The following PTPRT variants were observed in gnomAD, a reference collection of about 807,000 sequenced individuals.
PTPRT encodes the protein protein tyrosine phosphatase receptor type T.
In PTPRT, 56 loss-of-function variants were observed where a neutral mutation model predicts 176.8. The ratio of observed to expected loss-of-function variants is 0.32; its 90% CI spans 0.26 to 0.40. The LOEUF (loss-of-function observed/expected upper bound fraction) is 0.40, where lower values mean the gene tolerates loss of function less well. PTPRT is among the 10% of genes least tolerant of loss of function. The pLI, the probability that PTPRT is intolerant of heterozygous loss-of-function variation, is 1.00. For missense variants in PTPRT, 1,540 were observed against 1,908.2 expected (o/e 0.81, Z 3.60); for synonymous variants, 783 against 739.0 (o/e 1.06, Z -0.96).
chr20:42,360,490 C>A (rs2058418109), intron 9 of PTPRT, among the ~76,000 whole-genome samples: 1 of 152,238 alleles, frequency 6.6e-6, no homozygotes, highest in African/African-American at 2.4e-5. Flanking sequence ...GAAGCCTCAA[C>A]CTCCTTTCAG....
At chr20:42,053,031 G>A in the PTPRT span, among the ~76,000 whole-genome samples, 62,796 of 152,018 alleles carry the variant, frequency 0.41, 15,162 homozygotes, top group African/African-American at 0.68. Flanking sequence ...CTTAATAGAT[G>A]TGGCTGTGTT....
chr20:42,438,017 G>C (rs1173289866), intron 9 of PTPRT, among the ~76,000 whole-genome samples: 1 of 152,174 alleles, frequency 6.6e-6, no homozygotes, highest in Non-Finnish European at 1.5e-5. Context: ...CTTAAGTGCT[G>C]CCTCTGGGCA....
At chr20:42,722,577 TGA>T (rs951868048) in intron 6 of PTPRT, among the ~76,000 whole-genome samples, 3 of 152,176 alleles carry the variant, frequency 2.0e-5, no homozygotes, top group Non-Finnish European at 4.4e-5. Context: ...CTGTCCTTTC[TGA>T]GAGTCTCAGA....
intron 9 of PTPRT, among the ~76,000 whole-genome samples, chr20:42,396,020 T>C (rs2058845087): frequency 6.6e-6 from 1 of 152,176 alleles, no homozygotes; most frequent in Non-Finnish European, 1.5e-5. Context: ...CTCCGTCCTC[T>C]ACTTCTCCCC....
chr20:42,976,004 C>T (rs1191986976), intron 1 of PTPRT, among the ~76,000 whole-genome samples: 2 of 148,874 alleles, frequency 1.3e-5, no homozygotes, highest in African/African-American at 2.6e-5. Flanking sequence ...TCCTCCTTTA[C>T]ACATGAAATC....
At chr20:42,122,516 A>C (rs747675898) in intron 19 of PTPRT, among the ~76,000 whole-genome samples, 2 of 152,190 alleles carry the variant, frequency 1.3e-5, no homozygotes, top group African/African-American at 4.8e-5. Flanking sequence ...AATTAAACCC[A>C]AGGGTTGTCT....
chr20:43,010,771 C>T (rs1985076889), intron 1 of PTPRT, among the ~76,000 whole-genome samples: 1 of 151,576 alleles, frequency 6.6e-6, no homozygotes, highest in Non-Finnish European at 1.5e-5. Context: ...AAGATTAATG[C>T]CCCCACTAAC....
chr20:42,227,603 T>C (rs1315368827), intron 15 of PTPRT, among the ~76,000 whole-genome samples: 1 of 34,348 alleles, frequency 2.9e-5, no homozygotes. Context: ...CCTCATTGTT[T>C]TTTTTTTTTT....
At chr20:42,872,923 G>A (rs2078869985) in intron 2 of PTPRT, among the ~76,000 whole-genome samples, 2 of 152,280 alleles carry the variant, frequency 1.3e-5, no homozygotes, top group South Asian at 2.1e-4. Context: ...TAGGCAGAAG[G>A]CCATGCTAAC....
intron 11 of PTPRT, among the ~76,000 whole-genome samples, chr20:42,319,680 T>C (rs1395351546): frequency 6.6e-6 from 1 of 152,266 alleles, no homozygotes; most frequent in Non-Finnish European, 1.5e-5. Flanking sequence ...TAACTTTCCT[T>C]TCCTGACACT....
At chr20:42,887,494 TAAATTGACTAAGAAAATAAACA>T (rs2079122010) in intron 1 of PTPRT, among the ~76,000 whole-genome samples, 1 of 152,218 alleles carries the variant, frequency 6.6e-6, no homozygotes, top group Non-Finnish European at 1.5e-5. Flanking sequence ...TATGGCAGCC[TAAATTGACTAAGAAAATAAACA>T]AACATGGCTT....
chr20:42,254,236 CA>C (rs1199452830), intron 13 of PTPRT, among the ~76,000 whole-genome samples: 1 of 152,176 alleles, frequency 6.6e-6, no homozygotes, highest in Non-Finnish European at 1.5e-5. Context: ...GCTGTGAACC[CA>C]ACCTCTCAAC....
At chr20:42,376,950 T>C (rs541258479) in intron 9 of PTPRT, among the ~76,000 whole-genome samples, 1 of 152,302 alleles carries the variant, frequency 6.6e-6, no homozygotes, top group Admixed American at 6.5e-5. Flanking sequence ...ACTGACGTTA[T>C]CATATTTCCC....
At chr20:42,979,093 G>T (rs569266003) in intron 1 of PTPRT, among the ~76,000 whole-genome samples, 7 of 152,080 alleles carry the variant, frequency 4.6e-5, no homozygotes, top group Non-Finnish European at 1.0e-4. Context: ...TGTTGTCAAC[G>T]TAAATCGAGA....
At chr20:42,193,638 T>C (rs1991085251) in intron 16 of PTPRT, among the ~76,000 whole-genome samples, 1 of 152,246 alleles carries the variant, frequency 6.6e-6, no homozygotes. Flanking sequence ...ATAGGGTTCC[T>C]TGGGAGCTTC....
intron 16 of PTPRT, among the ~76,000 whole-genome samples, chr20:42,184,598 T>TTCTTCTTCTTCTTCTTCTTCTTCTTCC (rs1355996417): frequency 1.4e-5 from 2 of 139,690 alleles, no homozygotes; most frequent in African/African-American, 2.7e-5. Flanking sequence ...CTTCTTCCTC[T>TTCTTCTTCTTCTTCTTCTTCTTCTTCC]TCTTCTTCTT....
chr20:43,030,296 A>G (rs529148865), intron 1 of PTPRT, among the ~76,000 whole-genome samples: 83 of 152,336 alleles, frequency 5.4e-4, no homozygotes, highest in African/African-American at 1.9e-3. Context: ...CAGCAGCTTG[A>G]AGGAAGCCAT....
In PTPRT at chr20:42,470,367, C is replaced by G. The variant is rs933619396; in HGVS notation, c.1450+1899G>C. Among the ~76,000 whole-genome samples the G allele has an allele frequency of 2.6e-5, 4 of 152,164 alleles. No homozygotes were observed. The South Asian group carries it at 6.2e-4, about 24-fold the overall frequency. ...AGTTCCCTGAAGGCTCAGGTTGCAG[C>G]CAGTTTTTGCTGGACTTGGCCAAAA... On this transcript the variant is annotated intron_variant, in intron 8 of 30. Transcript: ENST00000373187.
chr20:42,800,292 G>T (rs530538362), intron 2 of PTPRT, among the ~76,000 whole-genome samples: 11 of 152,282 alleles, frequency 7.2e-5, no homozygotes, highest in South Asian at 2.1e-4. Context: ...ATGTGGGCAC[G>T]TTGTGTTTGA....
Sources: gnomAD v4.1 joint callset for allele counts (sites outside exome capture counted in the v4.1 genomes callset) on GRCh38, gnomAD v4.1.1 for gene constraint, MANE v1.5 for transcripts, NCBI Gene and HGNC (gene_info 2026-07-23, HGNC 2026-07-21) for gene names.